The following KIF13A variants were observed in gnomAD, a reference collection of about 807,000 sequenced individuals.
The protein encoded by KIF13A is kinesin family member 13A, also known as kinesin-like protein KIF13A.
KIF13A carries 79 observed loss-of-function variants against 212.2 expected under a neutral mutation model. The observed-to-expected ratio is 0.37, with a 90% confidence interval of 0.31 to 0.45. The LOEUF is 0.45. KIF13A is among the 20% of genes least tolerant of loss of function. The pLI is 1.00. For synonymous variants in KIF13A, 789 were observed against 808.6 expected, an observed-to-expected ratio of 0.98 and a Z score of 0.41; for missense variants, 1,901 against 2,209.0, an observed-to-expected ratio of 0.86 and a Z score of 2.79.
At chr6:17,821,124 G>T (rs925328755) in intron 16 of KIF13A, among the ~76,000 whole-genome samples, 1 of 152,166 alleles carries the variant, frequency 6.6e-6, no homozygotes, top group Non-Finnish European at 1.5e-5. Flanking sequence ...GCTTCCCAAA[G>T]TGCTGGGATT....
intron 2 of KIF13A, among the ~76,000 whole-genome samples, chr6:17,902,716 T>C (rs1467349008): frequency 6.6e-6 from 1 of 152,218 alleles, no homozygotes. Flanking sequence ...CCAAGACTCC[T>C]AGGGTCGACA....
intron 3 of KIF13A, among the ~76,000 whole-genome samples, chr6:17,893,832 C>CAA: frequency 1.3e-5 from 1 of 77,332 alleles, no homozygotes; most frequent in Non-Finnish European, 2.5e-5. Context: ...TTTCCTGCAT[C>CAA]TTTTTTTTTT....
chr6:17,759,160 A>C (rs145798863), downstream of KIF13A: 1 of 152,320 alleles, frequency 6.6e-6, no homozygotes, highest in Non-Finnish European at 1.5e-5. Context: ...TATTATTTTT[A>C]ACACTGCAGA....
intron 2 of KIF13A, among the ~76,000 whole-genome samples, chr6:17,976,992 C>T: frequency 6.6e-6 from 1 of 151,652 alleles, no homozygotes; most frequent in East Asian, 1.9e-4. Context: ...GTACCAGCTA[C>T]TCGGGAGGCT....
In KIF13A at chr6:17,866,828, CATATATATATATATATATATATATAT is replaced by C. The variant is rs60217235; in HGVS notation, c.220+6523_220+6548del. On this transcript the variant is annotated intron_variant, in intron 4 of 38. Coordinates refer to ENST00000259711, the MANE Select transcript of KIF13A (RefSeq NM_022113.6). Reference sequence around the variant, plus strand: ...TAAAGGGGAGAACAAAAAAGCAGCGCATATATATATATATATATATATATATATATATATATATATATATATATTTA... The same window carrying C: ...TAAAGGGGAGAACAAAAAAGCAGCGCATATATATATATATATATATATTTA... Among the ~76,000 whole-genome samples, 6 of 22,934 alleles carry C rather than the reference CATATATATATATATATATATATATAT, an allele frequency of 2.6e-4. No homozygotes were observed. In the East Asian group the frequency reaches 6.5e-3, roughly 25 times the overall value. The allele number at this position is 22,934 out of a possible 152,430, so 15.0% of individuals were successfully genotyped here.
chr6:17,799,937 T>C lies in KIF13A; in HGVS notation c.2616+15A>G, dbSNP rs753194195. Reference sequence around the variant, plus strand: ...AAAGGTCATTTATATGAGCCTCCCATCACTGTCCTCTCACCCGACATGTCA... The same window carrying C: ...AAAGGTCATTTATATGAGCCTCCCACCACTGTCCTCTCACCCGACATGTCA... On this transcript the variant is annotated intron_variant, in intron 21 of 38. Transcript: ENST00000259711. The surrounding 1 kb of genome is among the most constrained non-coding windows in gnomAD (Gnocchi z 4.4). 4 of 1,612,602 alleles carry C rather than the reference T, an allele frequency of 2.5e-6. No individual in the cohort carries two copies. Among genetic ancestry groups the C allele is most frequent in the Non-Finnish European group, 3.4e-6 (4 of 1,179,150 alleles).
At chr6:17,936,372 C>A in intron 2 of KIF13A, 1 of 192,790 alleles carries the variant, frequency 5.2e-6, no homozygotes, top group South Asian at 7.0e-5. Context: ...TGGTGATCTG[C>A]CCACCTTGGC....
chr6:17,808,215 G>A (rs898880259), intron 18 of KIF13A, among the ~76,000 whole-genome samples: 2 of 152,130 alleles, frequency 1.3e-5, no homozygotes, highest in Non-Finnish European at 2.9e-5. Flanking sequence ...GCAAAACCCT[G>A]TCTCTACTAA....
In KIF13A at chr6:17,872,026, T is replaced by G. The variant is rs1273432580; in HGVS notation, c.220+1351A>C. Among the ~76,000 whole-genome samples, 3 of 152,188 alleles carry G rather than the reference T, an allele frequency of 2.0e-5. No homozygotes were observed. The highest frequency in any genetic ancestry group is 2.0e-4 in the Admixed American group (3 of 15,272). ...ATTACATAAAGTCCCAAAGGACTGA[T>G]AAAAAGACAAATTAATTACAACCAA... is the stretch of plus-strand genomic sequence containing the variant. On this transcript the variant is annotated intron_variant, in intron 4 of 38. Coordinates refer to ENST00000259711, the MANE Select transcript of KIF13A (RefSeq NM_022113.6). This position sits in a 1 kb window ranked among gnomAD's most constrained non-coding sequence, Gnocchi z 4.7.
At position 17,855,763 on chromosome 6, in the gene KIF13A, G is replaced by C. The variant is rs974028445; in HGVS notation, c.314-146C>G. ...GCCTCAAACCCTGTTGCTCAGGCTG[G>C]AGTGCAGTGGTGTGATCATGGCTCA... On this transcript the variant is annotated intron_variant, in intron 5 of 38. Coordinates refer to ENST00000259711, the MANE Select transcript of KIF13A (RefSeq NM_022113.6). The surrounding 1 kb of genome is among the most constrained non-coding windows in gnomAD (Gnocchi z 4.1). 13 of 685,490 alleles carry C rather than the reference G, an allele frequency of 1.9e-5. No homozygotes were observed. Among genetic ancestry groups the C allele is most frequent in the Non-Finnish European group, 2.9e-5 (12 of 410,330 alleles). The allele number at this position is 685,490 out of a possible 1,614,324, so 42.5% of individuals were successfully genotyped here.
intron 20 of KIF13A, among the ~76,000 whole-genome samples, chr6:17,802,830 C>G (rs1272867543): frequency 6.6e-6 from 1 of 151,948 alleles, no homozygotes. Flanking sequence ...GCTGCTTAGA[C>G]CTACCTGGGC....
In KIF13A at chr6:17,826,093, T is replaced by C; in HGVS notation, c.1564A>G (p.Thr522Ala). The change falls in exon 15 of 39, where the codon ACC becomes GCC. Residue 522 changes from threonine (T) to alanine (A), a missense_variant. Thr to Ala is a moderately conservative substitution (Grantham distance 58). Around this residue, in one of 5 missense-constraint regions of KIF13A, gnomAD observed 506 missense variants for 637.4 expected, o/e 0.79. Coordinates refer to ENST00000259711, the MANE Select transcript of KIF13A (RefSeq NM_022113.6). This position sits in a 1 kb window ranked among gnomAD's most constrained non-coding sequence, Gnocchi z 4.7. ...SCVNGTLVCS[T>A]TQLWHGDRIL... ...CGGTCACCATGCCACAGCTGGGTGG[T>C]ACTGCACACAAGGGTGCCGTTCACA... The C allele has an allele frequency of 6.2e-7, 1 of 1,614,020 alleles. No individual in the cohort carries two copies. Among genetic ancestry groups the C allele is most frequent in the Non-Finnish European group, 8.5e-7 (1 of 1,179,886 alleles).
At chr6:17,845,997 A>G (rs552016952) in intron 9 of KIF13A, among the ~76,000 whole-genome samples, 8 of 149,022 alleles carry the variant, frequency 5.4e-5, no homozygotes, top group African/African-American at 2.0e-4. Context: ...GACGAGAGAA[A>G]GCTTAAGAAC....
chr6:17,841,629 T>C (rs891457040), intron 9 of KIF13A, among the ~76,000 whole-genome samples: 1 of 152,126 alleles, frequency 6.6e-6, no homozygotes, highest in Non-Finnish European at 1.5e-5. Context: ...CTGTAACTCA[T>C]CCAGTTACAG....
chr6:17,759,482 G>C (rs1758493510), downstream of KIF13A: 1 of 152,026 alleles, frequency 6.6e-6, no homozygotes, highest in Non-Finnish European at 1.5e-5. Flanking sequence ...GAATTTAAAA[G>C]AAAAAAGGTA....
chr6:17,845,032 G>T (rs1766881315), intron 9 of KIF13A, among the ~76,000 whole-genome samples: 1 of 152,168 alleles, frequency 6.6e-6, no homozygotes, highest in African/African-American at 2.4e-5. Context: ...AGAAAAAGAG[G>T]TTTAATGGAC....
chr6:17,896,824 A>T (rs750061611), intron 3 of KIF13A, among the ~76,000 whole-genome samples: 21 of 152,188 alleles, frequency 1.4e-4, no homozygotes, highest in Non-Finnish European at 2.5e-4. Context: ...GGAGTTGCGC[A>T]GTATTTCACT....
chr6:17,882,139 T>A (rs1270502276), intron 3 of KIF13A: 2 of 448,110 alleles, frequency 4.5e-6, no homozygotes, highest in Non-Finnish European at 9.1e-6. Flanking sequence ...TATCTCTGTA[T>A]CCTTTCATTT....
chr6:17,950,339 TA>T, intron 2 of KIF13A: 1 of 903,920 alleles, frequency 1.1e-6, no homozygotes, highest in African/African-American at 1.8e-5. Context: ...TAAACAAATC[TA>T]AGCACAAACC....
Sources: allele counts gnomAD v4.1 joint callset (sites outside exome capture counted in the v4.1 genomes callset), GRCh38; gene constraint gnomAD v4.1.1; regional missense constraint gnomAD v4.1.1; non-coding constraint Gnocchi (gnomAD v3.1); transcripts MANE v1.5; gene names NCBI Gene and HGNC (gene_info 2026-07-23, HGNC 2026-07-21).